The following POPDC1 variants were observed in gnomAD, a reference collection of about 807,000 sequenced individuals.
POPDC1 encodes the protein popeye domain cAMP effector 1, also known as popeye domain-containing protein 1.
At chr6:105,118,224 A>G in the POPDC1 span, among the ~76,000 whole-genome samples, 1 of 152,206 alleles carries the variant, frequency 6.6e-6, no homozygotes, top group Admixed American at 6.5e-5. Flanking sequence ...TCAGAGGACA[A>G]GGGGATATGT....
chr6:105,135,747 A>G, the POPDC1 span, among the ~76,000 whole-genome samples: 13 of 152,254 alleles, frequency 8.5e-5, no homozygotes, highest in Non-Finnish European at 1.3e-4. Flanking sequence ...AGATATATGT[A>G]TCTATATATC....
the POPDC1 span, among the ~76,000 whole-genome samples, chr6:105,102,425 G>A: frequency 3.9e-5 from 6 of 152,314 alleles, no homozygotes; most frequent in East Asian, 1.2e-3. Context: ...TCACACGGCT[G>A]CTCCTGGAGG....
the POPDC1 span, among the ~76,000 whole-genome samples, chr6:105,105,079 A>G: frequency 6.6e-6 from 1 of 152,208 alleles, no homozygotes; most frequent in South Asian, 2.1e-4. Flanking sequence ...ACATCCTAGG[A>G]GGATAAACCA....
chr6:105,100,850 T>A, the POPDC1 span: 4 of 312,962 alleles, frequency 1.3e-5, no homozygotes, highest in Admixed American at 9.7e-5. Flanking sequence ...AATATATATC[T>A]CAAAAGAGAA....
At chr6:105,118,945 A>T in the POPDC1 span, among the ~76,000 whole-genome samples, 4 of 152,126 alleles carry the variant, frequency 2.6e-5, no homozygotes, top group African/African-American at 7.2e-5. Context: ...GCTACTTGGG[A>T]GGCTAAGATG....
the POPDC1 span, chr6:105,133,560 G>A: frequency 6.8e-6 from 11 of 1,610,010 alleles, no homozygotes; most frequent in Non-Finnish European, 8.5e-7. Context: ...TCAATGGGCT[G>A]GACTCTGTAT....
At chr6:105,097,904 A>C in the POPDC1 span, 1 of 152,224 alleles carries the variant, frequency 6.6e-6, no homozygotes, top group East Asian at 1.9e-4. Flanking sequence ...TATAAGCATC[A>C]CTGCGGATTT....
At chr6:105,119,538 G>A in the POPDC1 span, among the ~76,000 whole-genome samples, 1 of 152,298 alleles carries the variant, frequency 6.6e-6, no homozygotes, top group Non-Finnish European at 1.5e-5. Context: ...GAAGGCAACT[G>A]AAAAATATTC....
At chr6:105,119,641 G>A in the POPDC1 span, among the ~76,000 whole-genome samples, 26 of 152,326 alleles carry the variant, frequency 1.7e-4, no homozygotes, top group East Asian at 2.9e-3. Flanking sequence ...ATGTTCCTTC[G>A]TTGTGCAAAG....
the POPDC1 span, among the ~76,000 whole-genome samples, chr6:105,125,095 T>C: frequency 6.6e-6 from 1 of 152,250 alleles, no homozygotes; most frequent in African/African-American, 2.4e-5. Flanking sequence ...AATTTCAATG[T>C]CTAATTTAAA....
At chr6:105,099,026 A>C in the POPDC1 span, 1 of 152,180 alleles carries the variant, frequency 6.6e-6, no homozygotes, top group Non-Finnish European at 1.5e-5. Context: ...CACCACACCC[A>C]GCTAATTTTT....
chr6:105,125,268 A>G, the POPDC1 span: 1 of 1,195,236 alleles, frequency 8.4e-7, no homozygotes, highest in Non-Finnish European at 1.2e-6. Flanking sequence ...AATTCCACCA[A>G]CAACAAACTC....
chr6:105,123,334 T>C, the POPDC1 span, among the ~76,000 whole-genome samples: 10 of 152,274 alleles, frequency 6.6e-5, no homozygotes, highest in South Asian at 1.0e-3. Flanking sequence ...ATGAATAACA[T>C]AGGAGGGCTG....
At chr6:105,098,116 TAA>T in the POPDC1 span, 1 of 152,220 alleles carries the variant, frequency 6.6e-6, no homozygotes, top group Non-Finnish European at 1.5e-5. Flanking sequence ...ATCATTCAGC[TAA>T]GTAAAGGCCA....
At chr6:105,124,499 G>A in the POPDC1 span, 1 of 1,277,782 alleles carries the variant, frequency 7.8e-7, no homozygotes. Flanking sequence ...GATTCTGAAT[G>A]AGATGCAAAC....
At chr6:105,115,027 A>C in the POPDC1 span, among the ~76,000 whole-genome samples, 2 of 152,254 alleles carry the variant, frequency 1.3e-5, no homozygotes, top group African/African-American at 4.8e-5. Context: ...TGGCAACAAA[A>C]ACAAACAAAA....
the POPDC1 span, chr6:105,101,084 T>G: frequency 1.2e-5 from 20 of 1,603,876 alleles, no homozygotes; most frequent in Non-Finnish European, 1.7e-5. Flanking sequence ...GAATTCTCTC[T>G]CTGATCAAGG....
the POPDC1 span, chr6:105,116,613 AC>A: frequency 1.1e-4 from 113 of 1,070,120 alleles, no homozygotes; most frequent in African/African-American, 1.7e-3. Flanking sequence ...ATGGCTAGTT[AC>A]TAAAAATTCA....
the POPDC1 span, chr6:105,099,188 A>G: frequency 6.6e-6 from 1 of 152,234 alleles, no homozygotes; most frequent in African/African-American, 2.4e-5. Context: ...TGATGTCAAT[A>G]AACCAACATC....
Sources: gnomAD v4.1 joint callset for allele counts (sites outside exome capture counted in the v4.1 genomes callset) on GRCh38, gnomAD v4.1.1 for gene constraint, MANE v1.5 for transcripts, NCBI Gene and HGNC (gene_info 2026-07-23, HGNC 2026-07-21) for gene names.